The following SRPK2 variants were observed in gnomAD, a reference collection of about 807,000 sequenced individuals.
SRPK2 encodes SRSF protein kinase 2.
SRPK2 carries 21 observed loss-of-function variants against 90.8 expected under a neutral mutation model. The observed-to-expected ratio is 0.23, with a 90% CI of 0.16 to 0.33. SRPK2 has a LOEUF of 0.33. Ranked by LOEUF, SRPK2 falls within the 10% of genes least tolerant of loss-of-function variation. The pLI is 1.00. For synonymous variants in SRPK2, 288 were observed against 311.1 expected (o/e 0.93, Z 0.78); for missense variants, 620 against 869.0 (o/e 0.71, Z 3.60).
intron 2 of SRPK2, among the ~76,000 whole-genome samples, chr7:105,320,683 G>A (rs1298447270): frequency 2.6e-5 from 4 of 152,106 alleles, no homozygotes; most frequent in Non-Finnish European, 4.4e-5. Context: ...CCAAACTGTG[G>A]CCAAAGACCT....
chr7:105,396,723 G>A (rs1208420776), intron 1 of SRPK2, among the ~76,000 whole-genome samples: 5 of 148,830 alleles, frequency 3.4e-5, no homozygotes, highest in Admixed American at 2.7e-4. Flanking sequence ...GAGGGGGAGG[G>A]GAGAAGGAAG....
At chr7:105,127,092 C>T (rs1801313869) in intron 13 of SRPK2, 30 bp from the exon 14 acceptor site, 1 of 1,609,416 alleles carries the variant, frequency 6.2e-7, no homozygotes, top group East Asian at 2.2e-5. Context: ...ATGCTAAGCA[C>T]TTCAGAGACT....
chr7:105,362,444 G>A (rs1402304896), intron 2 of SRPK2, among the ~76,000 whole-genome samples: 2 of 151,348 alleles, frequency 1.3e-5, no homozygotes, highest in Non-Finnish European at 1.5e-5. Context: ...CTGAACCCAG[G>A]AGGCAGAGCT....
chr7:105,228,755 C>T (rs2129619122), intron 2 of SRPK2, among the ~76,000 whole-genome samples: 1 of 152,332 alleles, frequency 6.6e-6, no homozygotes, highest in Admixed American at 6.5e-5. Context: ...AACACTCACT[C>T]TGGGGCTTCA....
chr7:105,330,653 T>G (rs1043480075), intron 2 of SRPK2, among the ~76,000 whole-genome samples: 1 of 152,154 alleles, frequency 6.6e-6, no homozygotes, highest in Admixed American at 6.5e-5. Context: ...ATTCTAAAAC[T>G]GCACCCATGC....
intron 2 of SRPK2, among the ~76,000 whole-genome samples, chr7:105,388,024 G>C (rs962091479): frequency 2.0e-5 from 3 of 152,146 alleles, no homozygotes; most frequent in African/African-American, 4.8e-5. Flanking sequence ...CGAGCGGAAA[G>C]TTTCGAATCC....
Position 105,388,851 on chromosome 7 carries a change from C to T in SRPK2, c.-45G>A, listed in dbSNP as rs559359453. ...GGCGGGGGGCTTCGCGACGGCGACGCGGGCGCCGAGACGAGCTGGGCTGCA... is the reference window on the plus strand; with the variant it reads ...GGCGGGGGGCTTCGCGACGGCGACGTGGGCGCCGAGACGAGCTGGGCTGCA... On this transcript the variant is annotated 5_prime_UTR_variant, in exon 1 of 16. Transcript: ENST00000393651. 3 of 1,313,528 alleles carry T rather than the reference C, an allele frequency of 2.3e-6. No individual in the cohort carries two copies. The highest frequency in any genetic ancestry group is 2.9e-6 in the Non-Finnish European group (3 of 1,037,334). The allele number at this position is 1,313,528 out of a possible 1,614,324, so 81.4% of individuals were successfully genotyped here.
At chr7:105,136,947 T>C (rs908310533) in intron 11 of SRPK2, among the ~76,000 whole-genome samples, 5 of 152,136 alleles carry the variant, frequency 3.3e-5, no homozygotes, top group Non-Finnish European at 5.9e-5. Flanking sequence ...GTTGAAAATA[T>C]GGGCAATAAG....
At chr7:105,297,096 T>C (rs1050817029) in intron 2 of SRPK2, among the ~76,000 whole-genome samples, 2 of 152,154 alleles carry the variant, frequency 1.3e-5, no homozygotes, top group Non-Finnish European at 2.9e-5. Context: ...TGGACAATAC[T>C]CTAGGGAATT....
At chr7:105,350,063 G>T (rs1011254853) in intron 2 of SRPK2, among the ~76,000 whole-genome samples, 1 of 150,678 alleles carries the variant, frequency 6.6e-6, no homozygotes, top group African/African-American at 2.4e-5. Flanking sequence ...AATACAGCAG[G>T]CATTATGCTA....
At chr7:105,287,940 A>T (rs1808389781) in intron 2 of SRPK2, among the ~76,000 whole-genome samples, 1 of 152,172 alleles carries the variant, frequency 6.6e-6, no homozygotes, top group South Asian at 2.1e-4. Context: ...TTTTGTGGTT[A>T]TATGGCTTTC....
At chr7:105,176,980 T>TTG (rs1449125863) in intron 3 of SRPK2, among the ~76,000 whole-genome samples, 1 of 152,152 alleles carries the variant, frequency 6.6e-6, no homozygotes, top group African/African-American at 2.4e-5. Flanking sequence ...TTCAATGATT[T>TTG]TGATCACTTT....
intron 2 of SRPK2, among the ~76,000 whole-genome samples, chr7:105,253,365 T>TAC (rs1802755976): frequency 6.6e-6 from 1 of 152,226 alleles, no homozygotes; most frequent in South Asian, 2.1e-4. Flanking sequence ...TAAAAGACCT[T>TAC]ACTTCATGCC....
chr7:105,312,482 CATT>C (rs1470735486), intron 2 of SRPK2, among the ~76,000 whole-genome samples: 5 of 129,254 alleles, frequency 3.9e-5, no homozygotes, highest in Admixed American at 7.8e-5. Context: ...ACCTTGAAAA[CATT>C]ATACTATGTA....
At chr7:105,234,864 G>T (rs73186022) in intron 2 of SRPK2, among the ~76,000 whole-genome samples, 7,117 of 152,272 alleles carry the variant, frequency 0.047, 258 homozygotes, top group East Asian at 0.14. Context: ...GATGGTAACA[G>T]AATTTCAAAG....
chr7:105,121,856 C>T (rs944618079), intron 15 of SRPK2, among the ~76,000 whole-genome samples: 3 of 152,186 alleles, frequency 2.0e-5, no homozygotes, highest in African/African-American at 7.2e-5. Flanking sequence ...ATGAAATTGT[C>T]ATATTCCAGA....
intron 2 of SRPK2, among the ~76,000 whole-genome samples, chr7:105,374,081 C>T (rs770037669): frequency 3.3e-4 from 50 of 152,120 alleles, no homozygotes; most frequent in Non-Finnish European, 5.3e-4. Context: ...CACATGCCAC[C>T]ACGCCCAGCT....
At chr7:105,260,939 G>A (rs1265615914) in intron 2 of SRPK2, among the ~76,000 whole-genome samples, 3 of 148,476 alleles carry the variant, frequency 2.0e-5, no homozygotes, top group African/African-American at 7.4e-5. Flanking sequence ...TGTAAATAAC[G>A]AGTTGATGGG....
At chr7:105,324,743 C>A in intron 2 of SRPK2, among the ~76,000 whole-genome samples, 1 of 152,130 alleles carries the variant, frequency 6.6e-6, no homozygotes, top group South Asian at 2.1e-4. Context: ...AAAAATTAGC[C>A]GAATGTGGTG....
Sources: allele counts gnomAD v4.1 joint callset (sites outside exome capture counted in the v4.1 genomes callset), GRCh38; gene constraint gnomAD v4.1.1; transcripts MANE v1.5; gene names NCBI Gene and HGNC (gene_info 2026-07-23, HGNC 2026-07-21).